FBXL16: variants seen among roughly 807,000 people sequenced by gnomAD.
FBXL16 encodes F-box/LRR-repeat protein 16.
In FBXL16, 7 loss-of-function variants were observed where a neutral mutation model predicts 36.7. That is an observed-to-expected ratio of 0.19 (90% CI 0.11 to 0.36). The LOEUF is 0.36. Among genes scored for constraint, FBXL16 ranks in the 10% least tolerant of loss-of-function variants. FBXL16 has a pLI of 1.00. For synonymous variants in FBXL16, 355 were observed against 308.7 expected (o/e 1.15, Z -1.57); for missense variants, 463 against 659.4 (o/e 0.70, Z 3.26).
rs1284937423 is a variant in FBXL16 at position 692,762 on chromosome 16, A to AGTTGT, written c.*1512_*1513insACAAC. 1 of 152,234 alleles carries AGTTGT rather than the reference A, an allele frequency of 6.6e-6. No individual in the cohort carries two copies. Among genetic ancestry groups the AGTTGT allele is most frequent in the African/African-American group, 2.4e-5 (1 of 41,376 alleles). 9.4% of individuals were successfully genotyped at this position (152,234 alleles called of 1,614,324 possible). A position where few individuals can be genotyped will look rare whatever the true frequency, so the allele number is the denominator to read the frequency against. ...AAATGGACAGCTGCCCCTCCCCACTAGGGGTTGTGGGGAGGAGGGGCTGGA... is the reference window on the plus strand; with the variant it reads ...AAATGGACAGCTGCCCCTCCCCACTAGTTGTGGGGTTGTGGGGAGGAGGGGCTGGA... On this transcript the variant is annotated 3_prime_UTR_variant, in exon 6 of 6. Transcript: ENST00000397621.
Position 694,199 on chromosome 16 carries a change from A to C in FBXL16, c.*76T>G. The stretch of plus-strand genomic sequence containing the variant: ...GGGCTCCCCCGAGCGCAAGGCGGGA[A>C]GAGGGGGCTCGGCGGCGCCCCGCGC... On this transcript the variant is annotated 3_prime_UTR_variant, in exon 6 of 6. Coordinates refer to ENST00000397621, the MANE Select transcript of FBXL16 (RefSeq NM_153350.4). 3.7e-5 allele frequency: 38 copies of C among 1,030,192 alleles called. No homozygotes were observed. Among genetic ancestry groups the C allele is most frequent in the East Asian group, 1.1e-4 (3 of 26,304 alleles). 63.8% of individuals were successfully genotyped at this position (1,030,192 alleles called of 1,614,324 possible). A position where few individuals can be genotyped will look rare whatever the true frequency, so the allele number is the denominator to read the frequency against.
chr16:705,275 G>A (rs2151523586), intron 1 of FBXL16, among the ~76,000 whole-genome samples: 2 of 152,252 alleles, frequency 1.3e-5, no homozygotes, highest in African/African-American at 4.8e-5. Flanking sequence ...AGTGGCCAGT[G>A]GGGAGCGGCC....
intron 2 of FBXL16, among the ~76,000 whole-genome samples, chr16:696,246 T>TATTTATTCATTC (rs10664962): frequency 3.4e-4 from 51 of 150,560 alleles, no homozygotes; most frequent in Non-Finnish European, 5.9e-4. Flanking sequence ...TTTATTTATT[T>TATTTATTCATTC]ATTCATTCAT....
rs1027290560 is a variant in FBXL16 at position 697,515 on chromosome 16, C to A, written c.-14-96G>T. ...CAGTGGGGCTCCTTCCCTCCTTGGG[C>A]GTCCCTATGGTGCTCCCAGAACCAC... is the stretch of plus-strand genomic sequence containing the variant. On this transcript the variant is annotated intron_variant, in intron 1 of 5. Transcript: ENST00000397621. The surrounding 1 kb of genome is among the most constrained non-coding windows in gnomAD (Gnocchi z 4.6). 2 of 1,413,374 alleles carry A rather than the reference C, an allele frequency of 1.4e-6. No homozygotes were observed. Among genetic ancestry groups the A allele is most frequent in the Non-Finnish European group, 1.9e-6 (2 of 1,071,946 alleles). 87.6% of individuals were successfully genotyped at this position (1,413,374 alleles called of 1,614,324 possible).
intron 1 of FBXL16, among the ~76,000 whole-genome samples, chr16:703,129 C>T (rs1340608024): frequency 1.3e-5 from 2 of 152,196 alleles, no homozygotes; most frequent in Non-Finnish European, 2.9e-5. Flanking sequence ...ACAGGGTCCT[C>T]GCTCTGCCCT....
In FBXL16 at chr16:693,995, C is replaced by T. The variant is rs910647797; in HGVS notation, c.*280G>A. Reference sequence around the variant, plus strand: ...GCTGTGGCTGTGGCGTGGCGGAGGGCGGCGTGCAGTGCGGGCACGAGGGGC... The same window carrying T: ...GCTGTGGCTGTGGCGTGGCGGAGGGTGGCGTGCAGTGCGGGCACGAGGGGC... On this transcript the variant is annotated 3_prime_UTR_variant, in exon 6 of 6. Transcript: ENST00000397621. The T allele has an allele frequency of 1.7e-5, 3 of 178,358 alleles. No individual in the cohort carries two copies. The highest frequency in any genetic ancestry group is 1.3e-4 in the Admixed American group (2 of 15,846). 11.0% of individuals were successfully genotyped at this position (178,358 alleles called of 1,614,324 possible).
Position 697,316 on chromosome 16 carries a change from C to G in FBXL16, c.90G>C (p.Leu30=), listed in dbSNP as rs1285521839. 7.8e-6 allele frequency: 12 copies of G among 1,534,952 alleles called. No homozygotes were observed. The highest frequency in any genetic ancestry group is 1.0e-5 in the Non-Finnish European group (12 of 1,146,486). The change falls in exon 2 of 6, where the codon CTG becomes CTC. Residue 30 remains leucine (L), a synonymous_variant. Transcript: ENST00000397621. This position sits in a 1 kb window ranked among gnomAD's most constrained non-coding sequence, Gnocchi z 4.6. ...LVKLPGQPNG[L]GAASITKGTP... is the part of the protein sequence containing the mutation. Reference sequence around the variant, plus strand: ...TGCCCTTGGTGATGCTGGCCGCACCCAGGCCGTTGGGCTGGCCCGGCAGCT... The same window carrying G: ...TGCCCTTGGTGATGCTGGCCGCACCGAGGCCGTTGGGCTGGCCCGGCAGCT...
Position 697,198 on chromosome 16 carries a change from C to T in FBXL16, c.208G>A (p.Ala70Thr). The T allele has an allele frequency of 6.7e-7, 1 of 1,502,060 alleles. No individual in the cohort carries two copies. The highest frequency in any genetic ancestry group is 8.9e-7 in the Non-Finnish European group (1 of 1,128,702). 93.0% of individuals were successfully genotyped at this position (1,502,060 alleles called of 1,614,324 possible). The change falls in exon 2 of 6, where the codon GCT becomes ACT. Residue 70 changes from alanine to threonine, a missense_variant. By Grantham distance (58) the Ala-to-Thr change is moderately conservative. This residue lies in a region of FBXL16 where 263 missense variants were observed against 341.1 expected (regional missense o/e 0.77). Transcript: ENST00000397621. The surrounding 1 kb of genome is among the most constrained non-coding windows in gnomAD (Gnocchi z 4.6). ...CCTGCCGGGGTGCACGGGCCCCCAG[C>T]CAGGGCAGCCCGGGACAGTGGAGCA... ...LAAPLSRAAL[A>T]GGPCTPAGGP...
At chr16:696,656 C>G (rs1220198914) in intron 2 of FBXL16, 117 bp downstream of exon 2, 1 of 957,564 alleles carries the variant, frequency 1.0e-6, no homozygotes, top group African/African-American at 1.7e-5. Flanking sequence ...CGCGAGGTCC[C>G]CTGTAGTCAG....
chr16:699,831 TGA>T (rs900550235), intron 1 of FBXL16, among the ~76,000 whole-genome samples: 1 of 151,548 alleles, frequency 6.6e-6, no homozygotes, highest in African/African-American at 2.4e-5. Flanking sequence ...AGGGGGTGTC[TGA>T]GAGTCTCCCA....
intron 5 of FBXL16, 52 bp from the exon 6 acceptor site, chr16:694,475 G>A: frequency 6.7e-7 from 1 of 1,503,752 alleles, no homozygotes; most frequent in African/African-American, 1.4e-5. Flanking sequence ...GGCTCGGGCG[G>A]GGACGGCCGG....
In FBXL16 at chr16:695,446, G is replaced by T. The variant is rs2040004181; in HGVS notation, c.1111C>A (p.Leu371Met). Residue 371 changes from leucine (L) to methionine (M), a missense_variant, in exon 3 of 6, where the codon CTG becomes ATG. Leu to Met is a conservative substitution (Grantham distance 15, BLOSUM62 2). This residue lies in a region of FBXL16 where 134 missense variants were observed against 172.0 expected (regional missense o/e 0.78). Coordinates refer to ENST00000397621, the MANE Select transcript of FBXL16 (RefSeq NM_153350.4). ...AGCACGAGCTCCTCTAGGCGGTGCAGGTCGCAGGCCACGTACTCCAGCGCC... is the reference window on the plus strand; with the variant it reads ...AGCACGAGCTCCTCTAGGCGGTGCATGTCGCAGGCCACGTACTCCAGCGCC... ...DMALEYVACDLHRLEELVLDR... is the reference protein window; with the variant it reads ...DMALEYVACDMHRLEELVLDR... The T allele has an allele frequency of 1.9e-6, 3 of 1,552,818 alleles. No homozygotes were observed. The highest frequency in any genetic ancestry group is 2.6e-6 in the Non-Finnish European group (3 of 1,156,088).
intron 5 of FBXL16, 92 bp downstream of exon 5, chr16:694,542 T>C: frequency 1.3e-6 from 2 of 1,517,598 alleles, no homozygotes; most frequent in East Asian, 2.5e-5. Flanking sequence ...GCGCCGGGTG[T>C]GAGTTTGCAC....
rs148739956 is a variant in FBXL16, at chr16:694,260, G to A, written c.*15C>T. On this transcript the variant is annotated 3_prime_UTR_variant, in exon 6 of 6. Coordinates refer to ENST00000397621, the MANE Select transcript of FBXL16 (RefSeq NM_153350.4). ...GTCATGGCCGGGTTCCCGCGACCGG[G>A]GCGGGGGCCTCGCGCTACTCAATGA... is the stretch of plus-strand genomic sequence containing the variant. 1,224 of 1,362,616 alleles carry A rather than the reference G, an allele frequency of 9.0e-4. 6 individuals are homozygous for A. The African/African-American group carries it at 0.016, about 17-fold the overall frequency. The allele number at this position is 1,362,616 out of a possible 1,614,324, so 84.4% of individuals were successfully genotyped here.
intron 1 of FBXL16, among the ~76,000 whole-genome samples, chr16:702,188 C>T (rs994357136): frequency 6.6e-6 from 1 of 152,160 alleles, no homozygotes; most frequent in African/African-American, 2.4e-5. Flanking sequence ...ACCTCAGCTC[C>T]GGCCCCTTCC....
rs568266500 is a variant in FBXL16 at position 694,638 on chromosome 16, C to T, written c.1287G>A (p.Leu429=). 6.2e-6 allele frequency: 10 copies of T among 1,609,714 alleles called. No individual in the cohort carries two copies. The highest frequency in any genetic ancestry group is 5.5e-5 in the South Asian group (5 of 90,250). The change falls in exon 5 of 6, where the codon CTG becomes CTA. Residue 429 remains leucine (L), a synonymous_variant. Coordinates refer to ENST00000397621, the MANE Select transcript of FBXL16 (RefSeq NM_153350.4). ...GAGCAGAAACGGGGGTCTCACCTGC[C>T]AGAGACAGGAGGCGCAAACTCCCCA... is the stretch of plus-strand genomic sequence containing the variant. ...LALGSLRLLS[L]AGCPLLTTTG... is the part of the protein sequence containing the mutation.
rs578011648 is a variant in FBXL16 at position 693,841 on chromosome 16, G to C, written c.*434C>G. The C allele has an allele frequency of 2.0e-5, 3 of 153,254 alleles. No individual in the cohort carries two copies. Among genetic ancestry groups the C allele is most frequent in the South Asian group, 2.1e-4 (1 of 4,852 alleles). 9.5% of individuals were successfully genotyped at this position (153,254 alleles called of 1,614,324 possible). A position where few individuals can be genotyped will look rare whatever the true frequency, so the allele number is the denominator to read the frequency against. ...ATCCCACTGGGCCCTGCCCGGGATG[G>C]GGGGGACAGTGGGAAGACAGAGCGG... On this transcript the variant is annotated 3_prime_UTR_variant, in exon 6 of 6. Coordinates refer to ENST00000397621, the MANE Select transcript of FBXL16 (RefSeq NM_153350.4).
chr16:700,526 C>T (rs1321781330), intron 1 of FBXL16, among the ~76,000 whole-genome samples: 1 of 152,168 alleles, frequency 6.6e-6, no homozygotes, highest in East Asian at 1.9e-4. Context: ...GAACACGAGG[C>T]TCTGAGGAGC....
In FBXL16 at chr16:694,642, G is replaced by A; in HGVS notation, c.1283C>T (p.Ser428Phe). 1 of 1,610,058 alleles carries A rather than the reference G, an allele frequency of 6.2e-7. No homozygotes were observed. Among genetic ancestry groups the A allele is most frequent in the Non-Finnish European group, 8.5e-7 (1 of 1,178,580 alleles). Residue 428 changes from serine to phenylalanine, a missense_variant, in exon 5 of 6, where the codon TCT becomes TTT. Transcript: ENST00000397621. ...AGAAACGGGGGTCTCACCTGCCAGA[G>A]ACAGGAGGCGCAAACTCCCCAGGGC... Reference protein sequence around the residue: ...LLALGSLRLLSLAGCPLLTTT... With the variant: ...LLALGSLRLLFLAGCPLLTTT...
Sources: gnomAD v4.1 joint callset for allele counts (sites outside exome capture counted in the v4.1 genomes callset) on GRCh38, gnomAD v4.1.1 for gene constraint, gnomAD v4.1.1 regional missense constraint, Gnocchi (gnomAD v3.1) non-coding constraint, MANE v1.5 for transcripts, NCBI Gene and HGNC (gene_info 2026-07-23, HGNC 2026-07-21) for gene names.